The following FSTL4 variants were observed in gnomAD, a reference collection of about 807,000 sequenced individuals.
FSTL4 encodes follistatin like 4, also known as follistatin-related protein 4.
FSTL4 carries 28 observed loss-of-function variants against 78.2 expected under a neutral mutation model. The observed-to-expected ratio is 0.36, with a 90% CI of 0.27 to 0.49. FSTL4 has a LOEUF of 0.49. FSTL4 is among the 20% of genes least tolerant of loss of function. The probability of loss-of-function intolerance (pLI) is 0.98; values close to 1 mark genes in which losing one functional copy is unlikely to be tolerated. For missense variants in FSTL4, 922 were observed against 1,084.9 expected (o/e 0.85, Z 2.11); for synonymous variants, 422 against 440.5 (o/e 0.96, Z 0.53).
intron 3 of FSTL4, among the ~76,000 whole-genome samples, chr5:133,560,780 T>C (rs1759894313): frequency 6.6e-6 from 1 of 151,652 alleles, no homozygotes; most frequent in South Asian, 2.1e-4. Flanking sequence ...GGGACCAGAA[T>C]AGGCTAAGTT....
the FSTL4 span, among the ~76,000 whole-genome samples, chr5:133,684,477 A>G: frequency 1.3e-5 from 2 of 152,206 alleles, no homozygotes; most frequent in African/African-American, 4.8e-5. Flanking sequence ...AGCTACTGGC[A>G]CTGACCTTCT....
chr5:133,656,436 C>T, the FSTL4 span, among the ~76,000 whole-genome samples: 2 of 152,158 alleles, frequency 1.3e-5, no homozygotes, highest in Non-Finnish European at 2.9e-5. Flanking sequence ...AGTGGCAGTT[C>T]TCATCTGAGA....
At chr5:133,661,072 C>A in the FSTL4 span, among the ~76,000 whole-genome samples, 1 of 152,170 alleles carries the variant, frequency 6.6e-6, no homozygotes, top group African/African-American at 2.4e-5. Flanking sequence ...CTCATTGCAA[C>A]CTCTGCCTCC....
At chr5:133,742,178 C>T in the FSTL4 span, among the ~76,000 whole-genome samples, 104 of 152,332 alleles carry the variant, frequency 6.8e-4, no homozygotes, top group South Asian at 8.3e-3. Context: ...CAAACATAGT[C>T]AATCATCCTG....
chr5:133,773,924 T>C, the FSTL4 span, among the ~76,000 whole-genome samples: 1 of 152,240 alleles, frequency 6.6e-6, no homozygotes, highest in East Asian at 1.9e-4. Context: ...ATCTGTAGCA[T>C]TACGATTAAA....
intron 3 of FSTL4, among the ~76,000 whole-genome samples, chr5:133,534,501 A>G (rs942235386): frequency 2.0e-5 from 3 of 152,196 alleles, no homozygotes; most frequent in African/African-American, 7.2e-5. Flanking sequence ...ATGCCTAGTG[A>G]TGAAGTTTCA....
chr5:133,538,138 G>A (rs938798536), intron 3 of FSTL4, among the ~76,000 whole-genome samples: 4 of 151,586 alleles, frequency 2.6e-5, no homozygotes, highest in African/African-American at 9.7e-5. Context: ...TCCTAGTCCA[G>A]GTTCGAACCC....
the FSTL4 span, among the ~76,000 whole-genome samples, chr5:133,830,638 C>T: frequency 6.6e-6 from 1 of 152,218 alleles, no homozygotes; most frequent in African/African-American, 2.4e-5. Context: ...AAAACCGAGC[C>T]TCAGGCAGGG....
intron 2 of FSTL4, among the ~76,000 whole-genome samples, chr5:133,592,340 G>A (rs566950346): frequency 6.6e-6 from 1 of 152,296 alleles, no homozygotes; most frequent in East Asian, 1.9e-4. Context: ...TGAGATATCA[G>A]ATAAGAATTT....
intron 4 of FSTL4, among the ~76,000 whole-genome samples, chr5:133,393,649 A>G (rs971669852): frequency 6.6e-6 from 1 of 152,258 alleles, no homozygotes; most frequent in African/African-American, 2.4e-5. Context: ...GCCAGCTTCC[A>G]AGGCCAGACC....
chr5:133,499,348 TAGTA>T (rs1758438582), intron 3 of FSTL4, among the ~76,000 whole-genome samples: 1 of 137,214 alleles, frequency 7.3e-6, no homozygotes, highest in Non-Finnish European at 1.5e-5. Flanking sequence ...AGGATTCCCC[TAGTA>T]AGTAACACAA....
chr5:133,350,082 A>G (rs1186957471), intron 4 of FSTL4, among the ~76,000 whole-genome samples: 2 of 142,014 alleles, frequency 1.4e-5, no homozygotes, highest in African/African-American at 5.4e-5. Flanking sequence ...TGCGACTGTA[A>G]AGGACCCATA....
the FSTL4 span, among the ~76,000 whole-genome samples, chr5:133,764,321 T>G: frequency 3.3e-5 from 5 of 152,090 alleles, no homozygotes; most frequent in Non-Finnish European, 7.4e-5. Context: ...CAAGTTCTGG[T>G]GTGGCCATTT....
At chr5:133,795,908 GGGA>G in the FSTL4 span, among the ~76,000 whole-genome samples, 2 of 152,306 alleles carry the variant, frequency 1.3e-5, no homozygotes, top group South Asian at 4.1e-4. Flanking sequence ...GGCCTGCGTG[GGGA>G]GGAGGTCACC....
At chr5:133,547,553 T>C (rs1447282549) in intron 3 of FSTL4, among the ~76,000 whole-genome samples, 2 of 152,118 alleles carry the variant, frequency 1.3e-5, no homozygotes, top group Non-Finnish European at 1.5e-5. Flanking sequence ...TAAGAGGTGA[T>C]TGGGTTGTTA....
chr5:133,262,343 C>T (rs1752551018), intron 6 of FSTL4, among the ~76,000 whole-genome samples: 2 of 152,206 alleles, frequency 1.3e-5, no homozygotes, highest in Non-Finnish European at 2.9e-5. Context: ...CTGCTTTACA[C>T]AGGCTGCACA....
At chr5:133,818,501 A>C in the FSTL4 span, among the ~76,000 whole-genome samples, 2 of 152,300 alleles carry the variant, frequency 1.3e-5, no homozygotes, top group East Asian at 3.9e-4. Context: ...GGCTAATTCC[A>C]CTGAAACCTC....
chr5:133,252,732 C>T (rs1752290380), intron 6 of FSTL4, among the ~76,000 whole-genome samples: 1 of 152,136 alleles, frequency 6.6e-6, no homozygotes, highest in South Asian at 2.1e-4. Flanking sequence ...ATCCCTTCCT[C>T]CATGTGGCCC....
At chr5:133,511,633 C>A (rs1331731299) in intron 3 of FSTL4, among the ~76,000 whole-genome samples, 1 of 152,132 alleles carries the variant, frequency 6.6e-6, no homozygotes, top group Non-Finnish European at 1.5e-5. Flanking sequence ...AAAATTTACA[C>A]TGAAAAAATG....
Sources: allele counts gnomAD v4.1 joint callset (sites outside exome capture counted in the v4.1 genomes callset), GRCh38; gene constraint gnomAD v4.1.1; transcripts MANE v1.5; gene names NCBI Gene and HGNC (gene_info 2026-07-23, HGNC 2026-07-21).